Variants in XPNPEP1 observed in about 807,000 individuals in gnomAD.
The protein encoded by XPNPEP1 is xaa-Pro aminopeptidase 1.
Under a neutral mutation model 92.4 loss-of-function variants are expected in XPNPEP1, and 39 were observed. The ratio of observed to expected loss-of-function variants is 0.42; its 90% CI spans 0.33 to 0.55. The LOEUF (loss-of-function observed/expected upper bound fraction) is 0.55, where lower values mean the gene tolerates loss of function less well. Among genes scored for constraint, XPNPEP1 ranks in the 20% least tolerant of loss-of-function variants. The pLI is 0.08. For synonymous variants in XPNPEP1, 307 were observed against 299.4 expected (o/e 1.03, Z -0.26); for missense variants, 654 against 856.1 (o/e 0.76, Z 2.95).
intron 3 of XPNPEP1, among the ~76,000 whole-genome samples, chr10:109,905,955 A>G (rs1256293920): frequency 6.6e-6 from 1 of 152,196 alleles, no homozygotes; most frequent in East Asian, 1.9e-4. Flanking sequence ...CAGGAAATCC[A>G]TGTCTCCAGG....
chr10:109,909,856 T>C (rs1196548975), intron 2 of XPNPEP1, among the ~76,000 whole-genome samples: 2 of 152,184 alleles, frequency 1.3e-5, no homozygotes, highest in Non-Finnish European at 2.9e-5. Flanking sequence ...AGTTCCCATG[T>C]AGCTCCAGCC....
At chr10:109,896,662 G>T (rs1849009991) in intron 3 of XPNPEP1, among the ~76,000 whole-genome samples, 1 of 151,840 alleles carries the variant, frequency 6.6e-6, no homozygotes, top group South Asian at 2.1e-4. Flanking sequence ...ATGAGATCAG[G>T]GTATCTGTCC....
rs190623791 is a variant in XPNPEP1, at chr10:109,921,982, G to A, written c.32+1420C>T. Among the ~76,000 whole-genome samples, 5 of 152,300 alleles carry A rather than the reference G, an allele frequency of 3.3e-5. No individual in the cohort carries two copies. In the East Asian group the frequency reaches 9.6e-4, roughly 29 times the overall value. On this transcript the variant is annotated intron_variant, in intron 1 of 20. Coordinates refer to ENST00000502935, the MANE Select transcript of XPNPEP1 (RefSeq NM_020383.4). The stretch of plus-strand genomic sequence containing the variant: ...GAGAAAGTCTCCCTGAGAATGAAGC[G>A]GATACTGAATAAATCAGAGCCAAGA...
At chr10:109,896,144 T>C (rs1184760060) in intron 3 of XPNPEP1, among the ~76,000 whole-genome samples, 1 of 152,154 alleles carries the variant, frequency 6.6e-6, no homozygotes, top group Non-Finnish European at 1.5e-5. Flanking sequence ...TATGGCTAGG[T>C]CCTTCTCATC....
chr10:109,904,220 T>G (rs1447171753), intron 3 of XPNPEP1, among the ~76,000 whole-genome samples: 3 of 148,804 alleles, frequency 2.0e-5, no homozygotes, highest in African/African-American at 7.5e-5. Flanking sequence ...ACCTTCCCAC[T>G]GCCTACTAGA....
At chr10:109,890,854 T>TG (rs1474402521) in intron 5 of XPNPEP1, among the ~76,000 whole-genome samples, 2 of 152,174 alleles carry the variant, frequency 1.3e-5, no homozygotes, top group South Asian at 2.1e-4. Context: ...CTCAAGGTCA[T>TG]GGTCTAGTCC....
chr10:109,912,549 A>G (rs371856322), intron 2 of XPNPEP1, among the ~76,000 whole-genome samples: 13 of 152,234 alleles, frequency 8.5e-5, no homozygotes, highest in African/African-American at 2.4e-4. Context: ...GTGCAATTAT[A>G]TAAGTCCTAG....
rs117722186 is a variant in XPNPEP1, at chr10:109,894,330, G to C, written c.247-1255C>G. Among the ~76,000 whole-genome samples, 6 of 152,042 alleles carry C rather than the reference G, an allele frequency of 3.9e-5. No homozygotes were observed. The East Asian group carries it at 7.8e-4, about 20-fold the overall frequency. ...GAGGACTGCTTGAGCCCAGGAACTC[G>C]AGACCAGCCTGGGAGCATGGTGAAA... On this transcript the variant is annotated intron_variant, in intron 3 of 20. Coordinates refer to ENST00000502935, the MANE Select transcript of XPNPEP1 (RefSeq NM_020383.4).
At position 109,871,873 on chromosome 10, in the gene XPNPEP1, A is replaced by C. The variant is rs774243244; in HGVS notation, c.1453-12T>G. ...TATGTGAAGCATTCCTGCAAAGAAA[A>C]CCCAGGGGCATGTTGCAGAATGGGG... On this transcript the variant is annotated splice_polypyrimidine_tract_variant and intron_variant, in intron 16 of 20. Coordinates refer to ENST00000502935, the MANE Select transcript of XPNPEP1 (RefSeq NM_020383.4). The C allele has an allele frequency of 3.5e-5, 56 of 1,612,776 alleles. 1 individual carries two copies. In the South Asian group the frequency reaches 5.5e-4, roughly 16 times the overall value.
Position 109,870,712 on chromosome 10 carries a change from C to G in XPNPEP1, c.1696+19G>C, listed in dbSNP as rs781260078. The G allele has an allele frequency of 3.7e-6, 6 of 1,612,276 alleles. No individual in the cohort carries two copies. The East Asian group carries it at 1.1e-4, about 30-fold the overall frequency. The stretch of plus-strand genomic sequence containing the variant: ...AGGCTCAAGGATCCACGCATGCCCT[C>G]TATGTGAGGGACACTTACCATCAGT... On this transcript the variant is annotated intron_variant, in intron 18 of 20. Coordinates refer to ENST00000502935, the MANE Select transcript of XPNPEP1 (RefSeq NM_020383.4).
chr10:109,900,776 T>C (rs1380312317), intron 3 of XPNPEP1, among the ~76,000 whole-genome samples: 1 of 152,118 alleles, frequency 6.6e-6, no homozygotes, highest in African/African-American at 2.4e-5. Context: ...CTGATTCTGG[T>C]GGTCAAGGAC....
intron 14 of XPNPEP1, 167 bp downstream of exon 14, chr10:109,877,616 CTTGGGGA>C: frequency 1.2e-6 from 1 of 800,298 alleles, no homozygotes; most frequent in South Asian, 1.8e-5. Flanking sequence ...AAGGCAGAGG[CTTGGGGA>C]TTGGGAGAAA....
chr10:109,877,991 G>T lies in XPNPEP1; in HGVS notation c.1241+9C>A. On this transcript the variant is annotated intron_variant, in intron 13 of 20. Coordinates refer to ENST00000502935, the MANE Select transcript of XPNPEP1 (RefSeq NM_020383.4). ...CGAGGCTCCTGGGTCCCCCCAAATG[G>T]ATCCTTACCTGCGAAACTCCTCAGC... 6.2e-7 allele frequency: 1 copy of T among 1,614,204 alleles called. No individual in the cohort carries two copies. Among genetic ancestry groups the T allele is most frequent in the Non-Finnish European group, 8.5e-7 (1 of 1,180,034 alleles).
chr10:109,873,504 C>G lies in XPNPEP1; in HGVS notation c.1392-77G>C. On this transcript the variant is annotated intron_variant, in intron 15 of 20. Coordinates refer to ENST00000502935, the MANE Select transcript of XPNPEP1 (RefSeq NM_020383.4). ...AATATGACACAGGCAAGCATGTGGA[C>G]AAGTGAGAAGCCCCATACAATGCTG... 4 of 1,563,488 alleles carry G rather than the reference C, an allele frequency of 2.6e-6. No homozygotes were observed. The South Asian group carries it at 4.5e-5, about 17-fold the overall frequency.
At chr10:109,909,105 C>T (rs1213361464) in intron 2 of XPNPEP1, among the ~76,000 whole-genome samples, 1 of 152,000 alleles carries the variant, frequency 6.6e-6, no homozygotes, top group Non-Finnish European at 1.5e-5. Context: ...CCCGTCTCTA[C>T]TAAAAATACA....
chr10:109,908,161 CAGG>C (rs113227219), intron 2 of XPNPEP1, among the ~76,000 whole-genome samples: 39 of 152,200 alleles, frequency 2.6e-4, no homozygotes, highest in East Asian at 1.5e-3. Flanking sequence ...TAGAAAAAAG[CAGG>C]AGAAGTGTAT....
At chr10:109,887,169 C>G (rs1848439381) in intron 7 of XPNPEP1, among the ~76,000 whole-genome samples, 1 of 124,972 alleles carries the variant, frequency 8.0e-6, no homozygotes. Flanking sequence ...TTGCTCTCCC[C>G]TCTCCTATAA....
chr10:109,907,878 G>T (rs561649763), intron 2 of XPNPEP1, 63 bp from the exon 3 acceptor site: 1 of 1,598,372 alleles, frequency 6.3e-7, no homozygotes, highest in Non-Finnish European at 8.5e-7. Flanking sequence ...CGTCCAGTTC[G>T]AAGTGGGCCA....
chr10:109,865,226 C>T lies in XPNPEP1; in HGVS notation c.1959G>A (p.Glu653=), dbSNP rs770774396. ...TGGGTTGCGTCTCTCTGATGAGCCA[C>T]TCGAGAGCTTCCTGGCGGCCCTGTT... ...LQKQGRQEAL[E]WLIRETQPIS... The change falls in exon 21 of 21, where the codon GAG becomes GAA. Residue 653 remains glutamate (E), a synonymous_variant. Transcript: ENST00000502935. The T allele has an allele frequency of 6.2e-7, 1 of 1,614,160 alleles. No homozygotes were observed. The highest frequency in any genetic ancestry group is 1.7e-5 in the Admixed American group (1 of 60,018).
Sources: gnomAD v4.1 joint callset for allele counts (sites outside exome capture counted in the v4.1 genomes callset) on GRCh38, gnomAD v4.1.1 for gene constraint, MANE v1.5 for transcripts, NCBI Gene and HGNC (gene_info 2026-07-23, HGNC 2026-07-21) for gene names.